Variants in SMARCAL1 observed in about 807,000 individuals in gnomAD.
The protein encoded by SMARCAL1 is SNF2 related chromatin remodeling annealing helicase 1.
Under a neutral mutation model 94.5 loss-of-function variants are expected in SMARCAL1, and 58 were observed. That is an observed-to-expected ratio of 0.61 (90% CI 0.50 to 0.76). SMARCAL1 has a LOEUF of 0.76. Among genes scored for constraint, SMARCAL1 ranks in the 30% least tolerant of loss-of-function variants. The probability of loss-of-function intolerance (pLI) is 0.00; values close to 1 mark genes in which losing one functional copy is unlikely to be tolerated. For missense variants in SMARCAL1, 1,051 were observed against 1,177.9 expected, an observed-to-expected ratio of 0.89 and a Z score of 1.58; for synonymous variants, 422 against 455.1, an observed-to-expected ratio of 0.93 and a Z score of 0.93.
chr2:216,467,927 G>A lies in SMARCAL1; in HGVS notation c.2142-17G>A, dbSNP rs755362329. 1.2e-5 allele frequency: 18 copies of A among 1,471,254 alleles called. No homozygotes were observed. The highest frequency in any genetic ancestry group is 1.9e-6 in the Non-Finnish European group (2 of 1,050,318). 91.1% of individuals were successfully genotyped at this position (1,471,254 alleles called of 1,614,324 possible). A position where few individuals can be genotyped will look rare whatever the true frequency, so the allele number is the denominator to read the frequency against. On this transcript the variant is annotated splice_polypyrimidine_tract_variant and intron_variant, in intron 13 of 17. Transcript: ENST00000357276. ...GAGTATATGTTTAATCTGTTTTGTT[G>A]TCATTGTCAAATGCAGTGAATATAT...
intron 14 of SMARCAL1, among the ~76,000 whole-genome samples, chr2:216,473,499 T>C (rs1695009213): frequency 6.6e-6 from 1 of 151,956 alleles, no homozygotes; most frequent in Non-Finnish European, 1.5e-5. Flanking sequence ...TTAGGAAAAA[T>C]TTGAGACCCC....
intron 13 of SMARCAL1, among the ~76,000 whole-genome samples, chr2:216,465,524 A>G (rs1694813581): frequency 6.6e-6 from 1 of 152,236 alleles, no homozygotes; most frequent in South Asian, 2.1e-4. Flanking sequence ...TGTCACGCCT[A>G]GTTCTATTTC....
intron 10 of SMARCAL1, among the ~76,000 whole-genome samples, chr2:216,440,617 G>A (rs1372173867): frequency 6.6e-6 from 1 of 152,336 alleles, no homozygotes; most frequent in South Asian, 2.1e-4. Flanking sequence ...CCGCAACGTT[G>A]ACTTCATATA....
chr2:216,472,297 G>A (rs895893205), intron 14 of SMARCAL1, among the ~76,000 whole-genome samples: 3 of 152,176 alleles, frequency 2.0e-5, no homozygotes, highest in African/African-American at 2.4e-5. Flanking sequence ...AGCGGCTGCA[G>A]TGAGCCGAGA....
At chr2:216,445,290 A>G (rs542243822) in intron 10 of SMARCAL1, among the ~76,000 whole-genome samples, 3 of 149,548 alleles carry the variant, frequency 2.0e-5, no homozygotes, top group Non-Finnish European at 4.4e-5. Context: ...AAATCACCCC[A>G]TTACAGACGA....
chr2:216,457,316 G>A (rs1313802992), intron 12 of SMARCAL1, among the ~76,000 whole-genome samples: 2 of 152,120 alleles, frequency 1.3e-5, no homozygotes, highest in African/African-American at 4.8e-5. Flanking sequence ...CTGGAATTGA[G>A]CTCAGCTCTG....
At chr2:216,432,417 A>C (rs1693983820) in intron 7 of SMARCAL1, among the ~76,000 whole-genome samples, 1 of 151,386 alleles carries the variant, frequency 6.6e-6, no homozygotes, top group Non-Finnish European at 1.5e-5. Flanking sequence ...GGCCGAGGCA[A>C]CTCCTCTCAC....
rs755247940 is a variant in SMARCAL1, at chr2:216,447,051, C to G, written c.1744C>G (p.Pro582Ala). Residue 582 changes from proline to alanine, a missense_variant, in exon 11 of 18, where the codon CCA becomes GCA. By Grantham distance (27) the Pro-to-Ala change is conservative (BLOSUM62 -1). This residue lies in a region of SMARCAL1 where 642 missense variants were observed against 754.7 expected (regional missense o/e 0.85). Transcript: ENST00000357276. ...GAGGGTGATCCTGTTGTCGGGCACA[C>G]CAGCCATGTCCCGGCCCGCAGAGCT... ...AKRVILLSGT[P>A]AMSRPAELYT... 6.2e-7 allele frequency: 1 copy of G among 1,601,694 alleles called. No homozygotes were observed. Among genetic ancestry groups the G allele is most frequent in the African/African-American group, 1.4e-5 (1 of 71,104 alleles).
At chr2:216,415,954 C>T (rs1693591779) in intron 3 of SMARCAL1, 1 of 428,352 alleles carries the variant, frequency 2.3e-6, no homozygotes, top group East Asian at 5.2e-5. Context: ...CATTACTCCT[C>T]ATACTGCTTT....
In SMARCAL1 at chr2:216,437,392, C is replaced by T. The variant is rs1694102336; in HGVS notation, c.1645-1028C>T. ...CTGTGCTTTTGTGGCCCTTTTTGCT[C>T]ATGATAGCTGAAATGGAATAGGGGA... On this transcript the variant is annotated intron_variant, in intron 9 of 17. Transcript: ENST00000357276. Among the ~76,000 whole-genome samples, 15 of 152,098 alleles carry T rather than the reference C, an allele frequency of 9.9e-5. 1 individual carries two copies. In the South Asian group the frequency reaches 3.1e-3, roughly 31 times the overall value.
chr2:216,412,964 G>A (rs1693499306), intron 1 of SMARCAL1: 1 of 152,460 alleles, frequency 6.6e-6, no homozygotes, highest in Non-Finnish European at 1.5e-5. Flanking sequence ...ACCAGGCCTG[G>A]GATCTGGGGA....
At chr2:216,429,262 C>T (rs1693909137) in intron 7 of SMARCAL1, among the ~76,000 whole-genome samples, 1 of 152,198 alleles carries the variant, frequency 6.6e-6, no homozygotes, top group Admixed American at 6.5e-5. Context: ...TGGCTTAAGT[C>T]TGGTACCAAT....
chr2:216,463,160 C>T (rs546780792), intron 12 of SMARCAL1, among the ~76,000 whole-genome samples: 10 of 152,252 alleles, frequency 6.6e-5, no homozygotes, highest in African/African-American at 2.2e-4. Context: ...TCTTTGTTCC[C>T]TGGGGAAGCT....
At chr2:216,415,885 G>C (rs1159415637) in intron 3 of SMARCAL1, 1 of 377,472 alleles carries the variant, frequency 2.6e-6, no homozygotes, top group South Asian at 2.6e-5. Flanking sequence ...GACAGGCCCA[G>C]TTTCATTGGT....
intron 4 of SMARCAL1, among the ~76,000 whole-genome samples, chr2:216,420,042 A>AG (rs1413533071): frequency 1.3e-5 from 2 of 148,714 alleles, no homozygotes; most frequent in Admixed American, 1.3e-4. Flanking sequence ...AAAAAAAAAA[A>AG]AAAAAGAAAA....
chr2:216,482,639 T>C lies in SMARCAL1; in HGVS notation c.2626-99T>C. 6.6e-7 allele frequency: 1 copy of C among 1,525,294 alleles called. No homozygotes were observed. The highest frequency in any genetic ancestry group is 9.1e-7 in the Non-Finnish European group (1 of 1,101,302). 94.5% of individuals were successfully genotyped at this position (1,525,294 alleles called of 1,614,324 possible). A position where few individuals can be genotyped will look rare whatever the true frequency, so the allele number is the denominator to read the frequency against. On this transcript the variant is annotated intron_variant, in intron 17 of 17. Transcript: ENST00000357276. This position sits in a 1 kb window ranked among gnomAD's most constrained non-coding sequence, Gnocchi z 4.3. ...CTCCCTGACACCATGAAATGTGTGG[T>C]CTCTCATCTTTATATTCTCTCATCA...
Position 216,412,663 on chromosome 2 carries a change from G to C in SMARCAL1, c.-96+15G>C, listed in dbSNP as rs1693488019. On this transcript the variant is annotated intron_variant, in intron 1 of 17. Transcript: ENST00000357276. The stretch of plus-strand genomic sequence containing the variant: ...GGCCTCCCTGGGTGAGAAAGTGGTA[G>C]ACTGGCAGGAAGGCGGCGGAGGCGG... The C allele has an allele frequency of 6.5e-6, 1 of 153,600 alleles. No homozygotes were observed. The highest frequency in any genetic ancestry group is 1.4e-5 in the Non-Finnish European group (1 of 69,206). 9.5% of individuals were successfully genotyped at this position (153,600 alleles called of 1,614,324 possible). A position where few individuals can be genotyped will look rare whatever the true frequency, so the allele number is the denominator to read the frequency against.
At chr2:216,416,076 G>T in intron 3 of SMARCAL1, 181 bp from the exon 4 acceptor site, 1 of 606,442 alleles carries the variant, frequency 1.6e-6, no homozygotes, top group Admixed American at 2.3e-5. Context: ...CCACTACATG[G>T]AATAAAAGAA....
chr2:216,420,416 C>T lies in SMARCAL1; in HGVS notation c.980C>T (p.Ser327Phe). ...CAGGCCGGCCTTCCATCAGCTCCAT[C>T]CCTTTCATTTGTCAAAGGGCGATGC... The part of the protein sequence containing the change: ...EGQAGLPSAP[S>F]LSFVKGRCML... The change falls in exon 5 of 18, where the codon TCC becomes TTC. Residue 327 changes from serine to phenylalanine, a missense_variant. Transcript: ENST00000357276. 2 of 1,614,206 alleles carry T rather than the reference C, an allele frequency of 1.2e-6. No homozygotes were observed. The highest frequency in any genetic ancestry group is 1.7e-6 in the Non-Finnish European group (2 of 1,180,038).
Sources: allele counts gnomAD v4.1 joint callset (sites outside exome capture counted in the v4.1 genomes callset), GRCh38; gene constraint gnomAD v4.1.1; regional missense constraint gnomAD v4.1.1; non-coding constraint Gnocchi (gnomAD v3.1); transcripts MANE v1.5; gene names NCBI Gene and HGNC (gene_info 2026-07-23, HGNC 2026-07-21).